ZFHX4: variants seen among roughly 807,000 people sequenced by gnomAD.
ZFHX4 encodes the protein zinc finger homeobox 4.
A neutral mutation model predicts 267.6 loss-of-function variants in ZFHX4; 56 were observed. That is an observed-to-expected ratio of 0.21 (90% CI 0.17 to 0.26). The LOEUF is 0.26. Ranked by LOEUF, ZFHX4 falls within the 10% of genes least tolerant of loss-of-function variation. ZFHX4 has a pLI of 1.00. For missense variants in ZFHX4, 4,332 were observed against 4,420.0 expected (o/e 0.98, Z 0.56); for synonymous variants, 1,778 against 1,665.6 (o/e 1.07, Z -1.64).
chr8:76,734,630 G>T (rs547506095), intron 3 of ZFHX4, among the ~76,000 whole-genome samples: 1 of 152,220 alleles, frequency 6.6e-6, no homozygotes, highest in South Asian at 2.1e-4. Flanking sequence ...TGGATCATTT[G>T]CAGTGTACTC....
chr8:76,698,125 A>G (rs1188678859), intron 1 of ZFHX4, among the ~76,000 whole-genome samples: 1 of 152,158 alleles, frequency 6.6e-6, no homozygotes, highest in Non-Finnish European at 1.5e-5. Context: ...ACATAATTAC[A>G]GTTCATGTCC....
At chr8:76,805,535 A>G (rs554740710) in intron 4 of ZFHX4, among the ~76,000 whole-genome samples, 1 of 151,518 alleles carries the variant, frequency 6.6e-6, no homozygotes, top group South Asian at 2.1e-4. Context: ...AAGAATCATC[A>G]GTGAGCTCAG....
rs1316622577 is a variant in ZFHX4 at position 76,851,315 on chromosome 8, T to A, written c.4394T>A (p.Val1465Glu). 1 of 1,613,590 alleles carries A rather than the reference T, an allele frequency of 6.2e-7. No individual in the cohort carries two copies. Among genetic ancestry groups the A allele is most frequent in the South Asian group, 1.1e-5 (1 of 91,024 alleles). Reference sequence around the variant, plus strand: ...CAACAGCTATATGCCTCCTTGCCCGTGAATGGAGAACTGTGGGCAGAGAGC... The same window carrying A: ...CAACAGCTATATGCCTCCTTGCCCGAGAATGGAGAACTGTGGGCAGAGAGC... ...ELQQLYASLP[V>E]NGELWAESET... Residue 1465 changes from valine (V) to glutamate (E), a missense_variant, in exon 10 of 11, where the codon GTG (valine) becomes GAG (glutamate). Coordinates refer to ENST00000651372, the MANE Select transcript of ZFHX4 (RefSeq NM_024721.5).
chr8:76,769,942 C>T (rs908424560), intron 3 of ZFHX4, among the ~76,000 whole-genome samples: 1 of 152,102 alleles, frequency 6.6e-6, no homozygotes, highest in African/African-American at 2.4e-5. Flanking sequence ...GGGTCAGAAA[C>T]TGTGGGAGCT....
chr8:76,765,431 T>C (rs1016036790), intron 3 of ZFHX4, among the ~76,000 whole-genome samples: 1 of 152,134 alleles, frequency 6.6e-6, no homozygotes, highest in East Asian at 1.9e-4. Flanking sequence ...TTTATGCCTC[T>C]TTTTTTCTGG....
chr8:76,820,377 A>G (rs1811617562), intron 4 of ZFHX4, among the ~76,000 whole-genome samples: 1 of 152,098 alleles, frequency 6.6e-6, no homozygotes, highest in Admixed American at 6.5e-5. Flanking sequence ...TGCTGTTATC[A>G]TGTATTGTAA....
At chr8:76,740,656 G>GAAAA (rs1454566528) in intron 3 of ZFHX4, among the ~76,000 whole-genome samples, 10 of 152,086 alleles carry the variant, frequency 6.6e-5, no homozygotes, top group Non-Finnish European at 1.2e-4. Context: ...TGCAAACCTT[G>GAAAA]AAAACTGGCT....
At chr8:76,858,964 T>G (rs1812801239) in intron 10 of ZFHX4, among the ~76,000 whole-genome samples, 1 of 152,152 alleles carries the variant, frequency 6.6e-6, no homozygotes, top group Non-Finnish European at 1.5e-5. Flanking sequence ...AGATTTTGAT[T>G]AGAAGGAAAT....
At chr8:76,821,440 T>C (rs144915074) in intron 4 of ZFHX4, among the ~76,000 whole-genome samples, 1 of 152,266 alleles carries the variant, frequency 6.6e-6, no homozygotes, top group African/African-American at 2.4e-5. Flanking sequence ...TGACCTGTTC[T>C]TTGGCAAACC....
At chr8:76,814,238 C>A (rs1207581854) in intron 4 of ZFHX4, among the ~76,000 whole-genome samples, 1 of 152,122 alleles carries the variant, frequency 6.6e-6, no homozygotes, top group African/African-American at 2.4e-5. Flanking sequence ...GCTCTGCCAA[C>A]ATTCTCATTA....
At chr8:76,827,579 G>A (rs1375265749) in intron 4 of ZFHX4, among the ~76,000 whole-genome samples, 1 of 152,088 alleles carries the variant, frequency 6.6e-6, no homozygotes, top group Non-Finnish European at 1.5e-5. Flanking sequence ...ATAGGAATTA[G>A]TAAATTTAAG....
In ZFHX4 at chr8:76,850,379, T is replaced by A. The variant is rs752680455; in HGVS notation, c.3964+17T>A. 7 of 1,585,224 alleles carry A rather than the reference T, an allele frequency of 4.4e-6. No homozygotes were observed. The highest frequency in any genetic ancestry group is 6.0e-6 in the Non-Finnish European group (7 of 1,160,462). The stretch of plus-strand genomic sequence containing the variant: ...AATATTCAGGTATGCCATCTTATCA[T>A]CAAGACTTGTGAACAATACGCTTAG... On this transcript the variant is annotated intron_variant, in intron 9 of 10. Coordinates refer to ENST00000651372, the MANE Select transcript of ZFHX4 (RefSeq NM_024721.5).
intron 4 of ZFHX4, among the ~76,000 whole-genome samples, chr8:76,826,707 G>C (rs1199022945): frequency 6.6e-6 from 1 of 152,174 alleles, no homozygotes; most frequent in Non-Finnish European, 1.5e-5. Flanking sequence ...AGGGGTATGA[G>C]AAATGGGGAG....
At chr8:76,684,041 T>G (rs944873793) in intron 1 of ZFHX4, 9 of 151,298 alleles carry the variant, frequency 5.9e-5, no homozygotes, top group African/African-American at 2.2e-4. Context: ...ACTTTCTTTC[T>G]GTTTTGGTTT....
At chr8:76,730,867 C>A (rs1265793983) in intron 3 of ZFHX4, among the ~76,000 whole-genome samples, 1 of 152,116 alleles carries the variant, frequency 6.6e-6, no homozygotes, top group Non-Finnish European at 1.5e-5. Context: ...TAGCTAAGTT[C>A]TATGTAGCGA....
intron 3 of ZFHX4, among the ~76,000 whole-genome samples, chr8:76,767,529 T>A (rs1810082911): frequency 6.6e-6 from 1 of 152,156 alleles, no homozygotes; most frequent in Non-Finnish European, 1.5e-5. Context: ...CTACCACACA[T>A]ATATTGAAGA....
At chr8:76,687,125 G>C (rs911211882) in intron 1 of ZFHX4, among the ~76,000 whole-genome samples, 1 of 152,206 alleles carries the variant, frequency 6.6e-6, no homozygotes, top group Admixed American at 6.5e-5. Context: ...CACAATTGCA[G>C]TATTGTTCTG....
At chr8:76,793,752 C>T (rs1472608540) in intron 4 of ZFHX4, among the ~76,000 whole-genome samples, 1 of 152,014 alleles carries the variant, frequency 6.6e-6, no homozygotes, top group Non-Finnish European at 1.5e-5. Context: ...TTTTCTTTTT[C>T]ATTCTTTTTC....
chr8:76,748,495 C>T (rs1005910881), intron 3 of ZFHX4, among the ~76,000 whole-genome samples: 5 of 152,178 alleles, frequency 3.3e-5, no homozygotes, highest in African/African-American at 1.2e-4. Flanking sequence ...AGTGCAGTGG[C>T]ACGATCACAA....
Sources: allele counts gnomAD v4.1 joint callset (sites outside exome capture counted in the v4.1 genomes callset), GRCh38; gene constraint gnomAD v4.1.1; transcripts MANE v1.5; gene names NCBI Gene and HGNC (gene_info 2026-07-23, HGNC 2026-07-21).